SLC43A1: variants seen among roughly 807,000 people sequenced by gnomAD.
The protein encoded by SLC43A1 is solute carrier family 43 member 1.
SLC43A1 carries 31 observed loss-of-function variants against 59.5 expected under a neutral mutation model. The ratio of observed to expected loss-of-function variants is 0.52; its 90% confidence interval spans 0.39 to 0.70. SLC43A1 has a LOEUF of 0.70. Ranked by LOEUF, SLC43A1 falls within the 30% of genes least tolerant of loss-of-function variation. The pLI is 0.00. For missense variants in SLC43A1, 598 were observed against 717.8 expected (o/e 0.83, Z 1.91); for synonymous variants, 259 against 290.9 (o/e 0.89, Z 1.12).
chr11:57,513,807 A>G, intron 2 of SLC43A1, 151 bp downstream of exon 2: 2 of 666,366 alleles, frequency 3.0e-6, no homozygotes, highest in Non-Finnish European at 5.3e-6. Flanking sequence ...GTGCCACCCA[A>G]TCTCCCCCTG....
rs1178817557 is a variant in SLC43A1, at chr11:57,491,747, C to T, written c.987G>A (p.Leu329=). The T allele has an allele frequency of 1.2e-6, 2 of 1,614,242 alleles. No individual in the cohort carries two copies. The highest frequency in any genetic ancestry group is 8.5e-7 in the Non-Finnish European group (1 of 1,180,046). The change falls in exon 9 of 15, where the codon CTG becomes CTA. Residue 329 remains leucine, a synonymous_variant. Coordinates refer to ENST00000278426, the MANE Select transcript of SLC43A1 (RefSeq NM_003627.6). The part of the protein sequence containing the change: ...IFYMAAVNKM[L]EYLVTGGQEH... ...CCTGGCCACCAGTCACAAGGTACTC[C>T]AGCATCTTGTTCACAGCAGCCATGT... is the stretch of plus-strand genomic sequence containing the variant.
rs940786067 is a variant in SLC43A1, at chr11:57,514,099, G to C, written c.13C>G (p.Leu5Val). 2.4e-5 allele frequency: 38 copies of C among 1,593,424 alleles called. No homozygotes were observed. The highest frequency in any genetic ancestry group is 3.2e-5 in the Non-Finnish European group (38 of 1,170,536). Reference protein sequence around the residue: MAPTLQQAYRRRWWM... With the variant: MAPTVQQAYRRRWWM... ...CAGCGCCTCCGGTACGCCTGTTGCA[G>C]CGTGGGGGCCATGCTGGCCCCGAGC... Residue 5 changes from leucine to valine, a missense_variant, in exon 2 of 15, where the codon CTG (leucine) becomes GTG (valine). Leu to Val is a conservative substitution (Grantham distance 32). Coordinates refer to ENST00000278426, the MANE Select transcript of SLC43A1 (RefSeq NM_003627.6). This position sits in a 1 kb window ranked among gnomAD's most constrained non-coding sequence, Gnocchi z 5.5.
At position 57,484,846 on chromosome 11, in the gene SLC43A1, G is replaced by A. The variant is rs1943685175; in HGVS notation, c.*250C>T. The A allele has an allele frequency of 2.0e-5, 8 of 404,516 alleles. No homozygotes were observed. The highest frequency in any genetic ancestry group is 3.5e-5 in the Non-Finnish European group (8 of 226,964). The allele number at this position is 404,516 out of a possible 1,614,324, so 25.1% of individuals were successfully genotyped here. On this transcript the variant is annotated 3_prime_UTR_variant, in exon 15 of 15. Transcript: ENST00000278426. ...GCACCCTGGTCTCCTCCAACCCAAGGAGGAAGAAGGCTCAACCCCTCTAGG... is the reference window on the plus strand; with the variant it reads ...GCACCCTGGTCTCCTCCAACCCAAGAAGGAAGAAGGCTCAACCCCTCTAGG...
chr11:57,492,523 T>TATA (rs1318097376), intron 8 of SLC43A1, among the ~76,000 whole-genome samples: 133 of 121,240 alleles, frequency 1.1e-3, no homozygotes, highest in Non-Finnish European at 2.0e-3. Context: ...TAATATAATA[T>TATA]ATATAATTTT....
At chr11:57,494,338 G>A in intron 7 of SLC43A1, 167 bp from the exon 8 acceptor site, 1 of 623,486 alleles carries the variant, frequency 1.6e-6, no homozygotes, top group Non-Finnish European at 2.7e-6. Context: ...TCAGAGCTTG[G>A]CTCAGGGACC....
At chr11:57,495,893 A>G in intron 7 of SLC43A1, 138 bp downstream of exon 7, 1 of 947,608 alleles carries the variant, frequency 1.1e-6, no homozygotes, top group South Asian at 1.8e-5. Context: ...ATGAGAAAGC[A>G]GAGCTTGGAG....
chr11:57,493,955 A>G (rs1944003614), intron 8 of SLC43A1, 38 bp downstream of exon 8: 3 of 1,539,328 alleles, frequency 1.9e-6, no homozygotes, highest in Admixed American at 2.2e-5. Flanking sequence ...ACCCACCATC[A>G]CTATCCCCCA....
intron 8 of SLC43A1, among the ~76,000 whole-genome samples, chr11:57,492,536 G>GTGTATA (rs1943948884): frequency 1.3e-5 from 1 of 79,862 alleles, no homozygotes; most frequent in African/African-American, 5.6e-5. Flanking sequence ...ATAATTTTGT[G>GTGTATA]TATATATATA....
At chr11:57,503,937 T>C (rs187955873) in intron 2 of SLC43A1, among the ~76,000 whole-genome samples, 128 of 152,236 alleles carry the variant, frequency 8.4e-4, no homozygotes, top group African/African-American at 2.8e-3. Context: ...CTCAAGCCTG[T>C]AATCCCAGCA....
rs1943814497 is a variant in SLC43A1, at chr11:57,488,768, G to C, written c.1409+148C>G. On this transcript the variant is annotated intron_variant, in intron 13 of 14. Coordinates refer to ENST00000278426, the MANE Select transcript of SLC43A1 (RefSeq NM_003627.6). ...GGGGGAGTCAATTACAGCAGGATAG[G>C]CTGCCTTTAAGGAAGTGAGCTCCCT... 19 of 708,156 alleles carry C rather than the reference G, an allele frequency of 2.7e-5. No individual in the cohort carries two copies. In the South Asian group the frequency reaches 3.2e-4, roughly 12 times the overall value. The allele number at this position is 708,156 out of a possible 1,614,324, so 43.9% of individuals were successfully genotyped here.
chr11:57,498,356 G>A (rs1054771146), intron 5 of SLC43A1, among the ~76,000 whole-genome samples: 2 of 152,040 alleles, frequency 1.3e-5, no homozygotes, highest in African/African-American at 4.8e-5. Context: ...CAGGAGAATC[G>A]CTTGAACCTG....
In SLC43A1 at chr11:57,497,810, T is replaced by C; in HGVS notation, c.501A>G (p.Leu167=). ...PNMFGNLRST[L]MALMIGSYAS... is the part of the protein sequence containing the mutation. ...CGTAAGAGCCAATCATGAGGGCCATTAACGTGGAGCGCAGGTTCCCAAACA... is the reference window on the plus strand; with the variant it reads ...CGTAAGAGCCAATCATGAGGGCCATCAACGTGGAGCGCAGGTTCCCAAACA... Residue 167 remains leucine, a synonymous_variant, in exon 6 of 15, where the codon TTA becomes TTG. Transcript: ENST00000278426. The C allele has an allele frequency of 5.0e-6, 8 of 1,613,622 alleles. No homozygotes were observed. The highest frequency in any genetic ancestry group is 1.7e-6 in the Non-Finnish European group (2 of 1,179,878).
Position 57,514,992 on chromosome 11 carries a change from G to A in SLC43A1, c.-14+452C>T. ...CGCGGCCGCTGCAGCCTCGGCGGGA[G>A]GAGAGGGAACGCGGGCGGCGCGGGG... On this transcript the variant is annotated intron_variant, in intron 1 of 14. Coordinates refer to ENST00000278426, the MANE Select transcript of SLC43A1 (RefSeq NM_003627.6). This position sits in a 1 kb window ranked among gnomAD's most constrained non-coding sequence, Gnocchi z 5.5. 1.0e-6 allele frequency: 1 copy of A among 982,090 alleles called. No individual in the cohort carries two copies. The highest frequency in any genetic ancestry group is 1.2e-6 in the Non-Finnish European group (1 of 827,000). 60.8% of individuals were successfully genotyped at this position (982,090 alleles called of 1,614,324 possible).
At chr11:57,497,279 T>C (rs1466409562) in intron 6 of SLC43A1, among the ~76,000 whole-genome samples, 1 of 152,234 alleles carries the variant, frequency 6.6e-6, no homozygotes, top group Non-Finnish European at 1.5e-5. Context: ...TTTGGTCCCC[T>C]GGCTTCGAGG....
chr11:57,491,792 G>A lies in SLC43A1; in HGVS notation c.942C>T (p.Thr314=). The A allele has an allele frequency of 1.2e-6, 2 of 1,614,168 alleles. No individual in the cohort carries two copies. The highest frequency in any genetic ancestry group is 1.7e-6 in the Non-Finnish European group (2 of 1,180,002). Residue 314 remains threonine (T), a synonymous_variant, in exon 9 of 15, where the codon ACC becomes ACT. Coordinates refer to ENST00000278426, the MANE Select transcript of SLC43A1 (RefSeq NM_003627.6). The part of the protein sequence containing the change: ...FLWSLLTMGM[T]QLRIIFYMAA... ...CCATGTAGAAGATGATCCGCAGCTG[G>A]GTCATGCCCATGGTGAGGAGGCTCC... is the stretch of plus-strand genomic sequence containing the variant.
chr11:57,497,952 C>G (rs1590761552), intron 5 of SLC43A1, 107 bp from the exon 6 acceptor site: 2 of 723,694 alleles, frequency 2.8e-6, no homozygotes, highest in East Asian at 5.5e-5. Flanking sequence ...AGAAAAGCCC[C>G]AAGGTAAAAC....
At position 57,494,173 on chromosome 11, in the gene SLC43A1, T is replaced by C; in HGVS notation, c.693-2A>G. 1.2e-6 allele frequency: 2 copies of C among 1,608,240 alleles called. No homozygotes were observed. Among genetic ancestry groups the C allele is most frequent in the Non-Finnish European group, 1.7e-6 (2 of 1,177,966 alleles). On this transcript the variant is annotated splice_acceptor_variant, in intron 7 of 14. Coordinates refer to ENST00000278426, the MANE Select transcript of SLC43A1 (RefSeq NM_003627.6). LOFTEE classifies it high-confidence loss of function. ...AGCCCACTCAGCTTGATCTTCTTCC[T>C]GCAGGCAGCCAGGCCAGAGTGTAGA... is the stretch of plus-strand genomic sequence containing the variant.
In SLC43A1 at chr11:57,498,428, G is replaced by A. The variant is rs578001332; in HGVS notation, c.466-583C>T. Among the ~76,000 whole-genome samples, 17 of 152,106 alleles carry A rather than the reference G, an allele frequency of 1.1e-4. No individual in the cohort carries two copies. The East Asian group carries it at 1.4e-3, about 12-fold the overall frequency. ...TGCACTTTAGCCTGGGTGACAGAGC[G>A]AGACTATGTCCCCACCCCCCAAAAA... On this transcript the variant is annotated intron_variant, in intron 5 of 14. Transcript: ENST00000278426.
Position 57,509,648 on chromosome 11 carries a change from AGGAG to A in SLC43A1, c.154+4306_154+4309del, listed in dbSNP as rs1554985139. Among the ~76,000 whole-genome samples, 130 of 62,626 alleles carry A rather than the reference AGGAG, an allele frequency of 2.1e-3. 1 individual carries two copies. The highest frequency in any genetic ancestry group is 4.3e-3 in the Admixed American group (24 of 5,604). The allele number at this position is 62,626 out of a possible 152,430, so 41.1% of individuals were successfully genotyped here. ...AAGGAAGGAAGGAAGGAAGGAAGGA[AGGAG>A]GGAGGGAGGGAGGAAGGGAAGGAGG... On this transcript the variant is annotated intron_variant, in intron 2 of 14. Coordinates refer to ENST00000278426, the MANE Select transcript of SLC43A1 (RefSeq NM_003627.6).
Sources: gnomAD v4.1 joint callset for allele counts (sites outside exome capture counted in the v4.1 genomes callset) on GRCh38, gnomAD v4.1.1 for gene constraint, Gnocchi (gnomAD v3.1) non-coding constraint, MANE v1.5 for transcripts, NCBI Gene and HGNC (gene_info 2026-07-23, HGNC 2026-07-21) for gene names.